Variants in ACVR1C observed in about 807,000 individuals in gnomAD.
ACVR1C encodes the protein activin A receptor type 1C.
ACVR1C carries 23 observed loss-of-function variants against 57.9 expected under a neutral mutation model. The ratio of observed to expected loss-of-function variants is 0.40; its 90% CI spans 0.29 to 0.56. The LOEUF (loss-of-function observed/expected upper bound fraction) is 0.56. Among genes scored for constraint, ACVR1C ranks in the 20% least tolerant of loss-of-function variants. The pLI, the probability that ACVR1C is intolerant of heterozygous loss-of-function variation, is 0.50. For synonymous variants in ACVR1C, 214 were observed against 215.3 expected, an observed-to-expected ratio of 0.99 and a Z score of 0.05; for missense variants, 480 against 607.9, an observed-to-expected ratio of 0.79 and a Z score of 2.21.
chr2:157,565,359 C>A (rs929513231), intron 2 of ACVR1C, among the ~76,000 whole-genome samples: 1 of 152,110 alleles, frequency 6.6e-6, no homozygotes, highest in African/African-American at 2.4e-5. Flanking sequence ...CTCCACTCTC[C>A]CATCCTTGAC....
chr2:157,553,102 T>C (rs996049144), intron 3 of ACVR1C, among the ~76,000 whole-genome samples: 1 of 152,212 alleles, frequency 6.6e-6, no homozygotes, highest in Non-Finnish European at 1.5e-5. Context: ...CTTCACAGTT[T>C]TTGTTCCTCA....
At chr2:157,564,364 A>G (rs912438241) in intron 2 of ACVR1C, among the ~76,000 whole-genome samples, 4 of 152,216 alleles carry the variant, frequency 2.6e-5, no homozygotes, top group African/African-American at 7.2e-5. Context: ...AAAAGGCTCA[A>G]CATCATTAAT....
intron 4 of ACVR1C, among the ~76,000 whole-genome samples, chr2:157,547,572 C>T (rs373692339): frequency 8.3e-5 from 12 of 145,056 alleles, no homozygotes; most frequent in South Asian, 2.3e-4. Flanking sequence ...TGGCCAGTGA[C>T]GGTGAGCATT....
Position 157,545,996 on chromosome 2 carries a change from A to C in ACVR1C, c.776-1384T>G, listed in dbSNP as rs185698636. Among the ~76,000 whole-genome samples, 28 of 152,090 alleles carry C rather than the reference A, an allele frequency of 1.8e-4. 1 individual carries two copies. In the East Asian group the frequency reaches 5.4e-3, roughly 29 times the overall value. On this transcript the variant is annotated intron_variant, in intron 4 of 8. Transcript: ENST00000243349. ...GGGGTTTCACCATGTTGGCCAGGCT[A>C]ATCTCGAACTCCTGACCTCAGGTGA...
intron 1 of ACVR1C, among the ~76,000 whole-genome samples, chr2:157,605,924 A>C (rs1051873680): frequency 6.6e-6 from 1 of 151,424 alleles, no homozygotes; most frequent in African/African-American, 2.4e-5. Flanking sequence ...GTTTGCACCC[A>C]TTAACAAACC....
At chr2:157,580,918 A>G (rs1688774913) in intron 2 of ACVR1C, among the ~76,000 whole-genome samples, 1 of 152,228 alleles carries the variant, frequency 6.6e-6, no homozygotes, top group Non-Finnish European at 1.5e-5. Flanking sequence ...GATAGGGTAT[A>G]TGCTTGTGTG....
chr2:157,580,493 AT>A (rs1394587032), intron 2 of ACVR1C, among the ~76,000 whole-genome samples: 33 of 152,226 alleles, frequency 2.2e-4, no homozygotes, highest in African/African-American at 7.2e-4. Context: ...TGCCAGCATC[AT>A]TTCAAAAATA....
At chr2:157,611,385 G>A (rs1322591287) in intron 1 of ACVR1C, among the ~76,000 whole-genome samples, 1 of 152,188 alleles carries the variant, frequency 6.6e-6, no homozygotes, top group African/African-American at 2.4e-5. Context: ...GGAATTCCAG[G>A]TGGGTCGGTC....
chr2:157,596,333 G>A (rs1051648631), intron 1 of ACVR1C, among the ~76,000 whole-genome samples: 3 of 151,840 alleles, frequency 2.0e-5, no homozygotes, highest in Admixed American at 6.6e-5. Flanking sequence ...TTATTTGGGG[G>A]GTGGGGGGCA....
intron 2 of ACVR1C, among the ~76,000 whole-genome samples, chr2:157,565,398 G>C (rs1209437290): frequency 6.6e-6 from 1 of 151,876 alleles, no homozygotes; most frequent in Admixed American, 6.6e-5. Context: ...TCACTTCTTC[G>C]TAGTGACCAT....
At chr2:157,627,081 T>A (rs997162926) in intron 1 of ACVR1C, among the ~76,000 whole-genome samples, 1 of 152,312 alleles carries the variant, frequency 6.6e-6, no homozygotes, top group Non-Finnish European at 1.5e-5. Flanking sequence ...AGCTACATTT[T>A]AAAAAAATTG....
At chr2:157,580,943 T>C (rs1688775266) in intron 2 of ACVR1C, among the ~76,000 whole-genome samples, 1 of 151,982 alleles carries the variant, frequency 6.6e-6, no homozygotes, top group African/African-American at 2.4e-5. Context: ...AAGCCCAACT[T>C]TGGGTAAAGC....
rs563604445 is a variant in ACVR1C, at chr2:157,578,850, A to T, written c.304+8337T>A. Among the ~76,000 whole-genome samples the T allele has an allele frequency of 5.9e-5, 9 of 152,320 alleles. No homozygotes were observed. The East Asian group carries it at 1.7e-3, about 29-fold the overall frequency. ...AATAAATGTTCATTGATTAACACTG[A>T]ATTCAACTTAATTGAATTTAATTAA... On this transcript the variant is annotated intron_variant, in intron 2 of 8. Transcript: ENST00000243349.
intron 1 of ACVR1C, 66 bp downstream of exon 1, chr2:157,628,506 G>T: frequency 6.5e-7 from 1 of 1,536,086 alleles, no homozygotes; most frequent in Non-Finnish European, 8.9e-7. Flanking sequence ...CCACCCCCGT[G>T]CTCACCCGCA....
At chr2:157,562,496 A>AAATAT in intron 2 of ACVR1C, among the ~76,000 whole-genome samples, 1 of 146,646 alleles carries the variant, frequency 6.8e-6, no homozygotes, top group Non-Finnish European at 1.5e-5. Flanking sequence ...AAATAAAATA[A>AAATAT]AATAAAATAA....
At chr2:157,565,725 C>A (rs559337344) in intron 2 of ACVR1C, among the ~76,000 whole-genome samples, 1 of 152,112 alleles carries the variant, frequency 6.6e-6, no homozygotes, top group Non-Finnish European at 1.5e-5. Context: ...TTTGCATAAA[C>A]GATCTTCATC....
chr2:157,554,615 A>C (rs1032925063), intron 3 of ACVR1C, among the ~76,000 whole-genome samples: 7 of 152,182 alleles, frequency 4.6e-5, no homozygotes, highest in African/African-American at 1.2e-4. Context: ...TTTGCCCCAG[A>C]AGGAGCGAAC....
At chr2:157,605,757 G>A (rs1329471820) in intron 1 of ACVR1C, among the ~76,000 whole-genome samples, 1 of 151,590 alleles carries the variant, frequency 6.6e-6, no homozygotes, top group Non-Finnish European at 1.5e-5. Flanking sequence ...AGTCAAGTCA[G>A]GGTATCTATC....
rs1180575221 is a variant in ACVR1C, at chr2:157,542,821, T to C, written c.985A>G (p.Ile329Val). The C allele has an allele frequency of 1.2e-6, 2 of 1,614,006 alleles. No homozygotes were observed. Among genetic ancestry groups the C allele is most frequent in the African/African-American group, 1.3e-5 (1 of 74,938 alleles). ...CAAGTTTCACACTTTTTCACTAAGA[T>C]ATTCTTTGATTTTATGTCTCGATGA... Reference protein sequence around the residue: ...IAHRDIKSKNILVKKCETCAI... With the variant: ...IAHRDIKSKNVLVKKCETCAI... The change falls in exon 6 of 9, where the codon ATC becomes GTC. Residue 329 changes from isoleucine (I) to valine (V), a missense_variant. Physicochemically the swap from Ile to Val is conservative, Grantham distance 29 (BLOSUM62 3). Transcript: ENST00000243349.
Sources: gnomAD v4.1 joint callset for allele counts (sites outside exome capture counted in the v4.1 genomes callset) on GRCh38, gnomAD v4.1.1 for gene constraint, MANE v1.5 for transcripts, NCBI Gene and HGNC (gene_info 2026-07-23, HGNC 2026-07-21) for gene names.